Variants in UBE2R2 observed in about 807,000 individuals in gnomAD.
The protein encoded by UBE2R2 is ubiquitin conjugating enzyme E2 R2.
A neutral mutation model predicts 27.8 loss-of-function variants in UBE2R2; 1 was observed. The ratio of observed to expected loss-of-function variants is 0.04; its 90% CI spans 0.01 to 0.17. The LOEUF is 0.17. Among genes scored for constraint, UBE2R2 ranks in the 10% least tolerant of loss-of-function variants. The pLI is 1.00. For synonymous variants in UBE2R2, 106 were observed against 113.3 expected (o/e 0.94, Z 0.41); for missense variants, 100 against 291.0 (o/e 0.34, Z 4.78).
chr9:33,839,152 C>T (rs1820678062), intron 1 of UBE2R2, among the ~76,000 whole-genome samples: 1 of 151,992 alleles, frequency 6.6e-6, no homozygotes, highest in South Asian at 2.1e-4. Context: ...AACATAATCC[C>T]CAATGTGATA....
At chr9:33,891,195 G>T (rs1401413785) in intron 2 of UBE2R2, among the ~76,000 whole-genome samples, 14 of 151,728 alleles carry the variant, frequency 9.2e-5, no homozygotes, top group African/African-American at 3.1e-4. Flanking sequence ...GATTACAGGT[G>T]CCTGCCCGGC....
intron 1 of UBE2R2, among the ~76,000 whole-genome samples, chr9:33,875,202 C>G (rs1380046363): frequency 6.6e-6 from 1 of 152,148 alleles, no homozygotes; most frequent in Non-Finnish European, 1.5e-5. Flanking sequence ...AACTGTAATA[C>G]TATTATCACA....
chr9:33,832,696 A>G (rs1022638989), intron 1 of UBE2R2, among the ~76,000 whole-genome samples: 2 of 151,980 alleles, frequency 1.3e-5, no homozygotes, highest in Non-Finnish European at 2.9e-5. Context: ...AAATTATTTA[A>G]TACTCTTTGG....
chr9:33,915,998 T>C (rs551297451), intron 4 of UBE2R2, among the ~76,000 whole-genome samples: 9 of 152,092 alleles, frequency 5.9e-5, no homozygotes, highest in African/African-American at 1.9e-4. Flanking sequence ...GTGTCCGAGA[T>C]GCCAAAAAAA....
chr9:33,834,822 A>ACC (rs1391006145), intron 1 of UBE2R2, among the ~76,000 whole-genome samples: 10 of 151,650 alleles, frequency 6.6e-5, no homozygotes, highest in Non-Finnish European at 1.0e-4. Context: ...AGGCAGGAGA[A>ACC]TCCCTTGTTC....
chr9:33,902,085 T>C (rs1279897216), intron 3 of UBE2R2, among the ~76,000 whole-genome samples: 1 of 152,004 alleles, frequency 6.6e-6, no homozygotes, highest in Non-Finnish European at 1.5e-5. Context: ...GCTCAAGATT[T>C]TGTATTTTTT....
At chr9:33,850,494 C>T (rs1223379098) in intron 1 of UBE2R2, among the ~76,000 whole-genome samples, 1 of 152,002 alleles carries the variant, frequency 6.6e-6, no homozygotes, top group Non-Finnish European at 1.5e-5. Context: ...ACGAGCCTAC[C>T]AAACTCATGG....
At chr9:33,851,339 A>G (rs1406783494) in intron 1 of UBE2R2, among the ~76,000 whole-genome samples, 1 of 152,200 alleles carries the variant, frequency 6.6e-6, no homozygotes, top group Non-Finnish European at 1.5e-5. Flanking sequence ...ATTATCAACA[A>G]TTATGAAGTT....
At chr9:33,838,914 T>A (rs1820672539) in intron 1 of UBE2R2, among the ~76,000 whole-genome samples, 1 of 151,884 alleles carries the variant, frequency 6.6e-6, no homozygotes, top group African/African-American at 2.4e-5. Flanking sequence ...AAACCTGGTC[T>A]ATACTAAAAA....
At chr9:33,836,404 A>T (rs185376234) in intron 1 of UBE2R2, among the ~76,000 whole-genome samples, 1 of 152,342 alleles carries the variant, frequency 6.6e-6, no homozygotes, top group East Asian at 1.9e-4. Flanking sequence ...ATTAGGCAAC[A>T]TATGACTGTA....
At position 33,817,947 on chromosome 9, in the gene UBE2R2, T is replaced by G. The variant is rs1409082087; in HGVS notation, c.177+13T>G. On this transcript the variant is annotated intron_variant, in intron 1 of 4. Transcript: ENST00000263228. ...CGGCTACTTCAAGGTACCCTCACCC[T>G]CCTCCCGGACCCTGCTTCCGCGGCC... The G allele has an allele frequency of 6.2e-7, 1 of 1,600,784 alleles. No homozygotes were observed. Among genetic ancestry groups the G allele is most frequent in the East Asian group, 2.3e-5 (1 of 43,126 alleles).
chr9:33,912,991 T>C (rs1418972140), intron 4 of UBE2R2, among the ~76,000 whole-genome samples: 1 of 152,084 alleles, frequency 6.6e-6, no homozygotes, highest in Admixed American at 6.6e-5. Context: ...GATGGAGTCT[T>C]ACTCTGTCAT....
chr9:33,910,788 G>GT (rs1222154016), intron 3 of UBE2R2, among the ~76,000 whole-genome samples: 1 of 152,144 alleles, frequency 6.6e-6, no homozygotes, highest in Non-Finnish European at 1.5e-5. Context: ...TGTTTTTCAG[G>GT]TTAAGAGGCC....
At chr9:33,828,081 T>C (rs1820355063) in intron 1 of UBE2R2, among the ~76,000 whole-genome samples, 1 of 151,856 alleles carries the variant, frequency 6.6e-6, no homozygotes, top group Admixed American at 6.6e-5. Flanking sequence ...GGCTGGCGGC[T>C]CACCTGAGGT....
chr9:33,869,650 A>T (rs1821440838), intron 1 of UBE2R2, among the ~76,000 whole-genome samples: 1 of 151,824 alleles, frequency 6.6e-6, no homozygotes, highest in South Asian at 2.1e-4. Flanking sequence ...GGTTTTCACC[A>T]TGTTGGCCAG....
At position 33,906,616 on chromosome 9, in the gene UBE2R2, C is replaced by T. The variant is rs543637928; in HGVS notation, c.363-5348C>T. ...CTTATTTGTGATGCTAGGGCTATCA[C>T]AACCCTGTTAAAGTTATGCTTATGG... On this transcript the variant is annotated intron_variant, in intron 3 of 4. Coordinates refer to ENST00000263228, the MANE Select transcript of UBE2R2 (RefSeq NM_017811.4). 2.3e-4 allele frequency among the ~76,000 whole-genome samples: 35 copies of T among 152,262 alleles called. No homozygotes were observed. The South Asian group carries it at 6.0e-3, about 26-fold the overall frequency.
intron 1 of UBE2R2, among the ~76,000 whole-genome samples, chr9:33,855,271 T>C (rs181302904): frequency 6.6e-6 from 1 of 152,230 alleles, no homozygotes; most frequent in Non-Finnish European, 1.5e-5. Context: ...TCCTGTGATA[T>C]TTTTCTCTCA....
intron 1 of UBE2R2, among the ~76,000 whole-genome samples, chr9:33,853,280 T>TTC (rs1225565507): frequency 2.9e-5 from 4 of 136,370 alleles, no homozygotes; most frequent in Non-Finnish European, 3.2e-5. Flanking sequence ...GCTTTACCTT[T>TTC]TCTCTCTCTT....
At chr9:33,833,149 C>T (rs569557457) in intron 1 of UBE2R2, among the ~76,000 whole-genome samples, 3 of 152,320 alleles carry the variant, frequency 2.0e-5, no homozygotes, top group African/African-American at 7.2e-5. Flanking sequence ...AGTGAAACCT[C>T]CGCCTCCTGG....
Sources: gnomAD v4.1 joint callset for allele counts (sites outside exome capture counted in the v4.1 genomes callset) on GRCh38, gnomAD v4.1.1 for gene constraint, MANE v1.5 for transcripts, NCBI Gene and HGNC (gene_info 2026-07-23, HGNC 2026-07-21) for gene names.